The following ALS2 variants were observed in gnomAD, a reference collection of about 807,000 sequenced individuals.
ALS2 encodes alsin Rho guanine nucleotide exchange factor ALS2, also known as alsin.
ALS2 carries 117 observed loss-of-function variants against 203.4 expected under a neutral mutation model. The observed-to-expected ratio is 0.58, with a 90% CI of 0.50 to 0.67. The LOEUF is 0.67. Ranked by LOEUF, ALS2 falls within the 30% of genes least tolerant of loss-of-function variation. The pLI, the probability that ALS2 is intolerant of heterozygous loss-of-function variation, is 0.00. For synonymous variants in ALS2, 718 were observed against 725.9 expected (o/e 0.99, Z 0.17); for missense variants, 1,715 against 1,989.4 (o/e 0.86, Z 2.62).
In ALS2 at chr2:201,761,135, C is replaced by G. The variant is rs1331279945; in HGVS notation, c.859G>C (p.Glu287Gln). 4 of 1,614,120 alleles carry G rather than the reference C, an allele frequency of 2.5e-6. No individual in the cohort carries two copies. Among genetic ancestry groups the G allele is most frequent in the African/African-American group, 1.3e-5 (1 of 74,936 alleles). The change falls in exon 4 of 34, where the codon GAA becomes CAA. Residue 287 changes from glutamate to glutamine, a missense_variant. Around this residue, in one of 3 missense-constraint regions of ALS2, gnomAD observed 476 missense variants for 539.3 expected, o/e 0.88. Coordinates refer to ENST00000264276, the MANE Select transcript of ALS2 (RefSeq NM_020919.4). ...ACAAGAGTGTTCTCAAATACTTCTT[C>G]CTGCCTGTCAAGGGTTTCAGTGGAG... ...SPSTETLDRQ[E>Q]EVFENTLVAN...
At chr2:201,713,836 T>C (rs944881026) in intron 25 of ALS2, among the ~76,000 whole-genome samples, 15 of 152,362 alleles carry the variant, frequency 9.8e-5, no homozygotes, top group African/African-American at 3.1e-4. Flanking sequence ...CTGAAATAAA[T>C]TGAGATTTTC....
At position 201,741,837 on chromosome 2, in the gene ALS2, T is replaced by C. The variant is rs1371215862; in HGVS notation, c.2188A>G (p.Thr730Ala). The change falls in exon 11 of 34, where the codon ACT becomes GCT. Residue 730 changes from threonine (T) to alanine (A), a missense_variant. Around this residue, in one of 3 missense-constraint regions of ALS2, gnomAD observed 1,227 missense variants for 1,413.5 expected, o/e 0.87. Coordinates refer to ENST00000264276, the MANE Select transcript of ALS2 (RefSeq NM_020919.4). ...ACCTCCTGCAACAGCTGGACTGTAGTTGTAGTGCCCAAATTTTCTATAACA... is the reference window on the plus strand; with the variant it reads ...ACCTCCTGCAACAGCTGGACTGTAGCTGTAGTGCCCAAATTTTCTATAACA... ...LLSLENLGTT[T>A]TVQLLQEVAS... 11 of 1,613,828 alleles carry C rather than the reference T, an allele frequency of 6.8e-6. No individual in the cohort carries two copies. Among genetic ancestry groups the C allele is most frequent in the African/African-American group, 1.3e-5 (1 of 75,048 alleles).
At chr2:201,732,624 T>C (rs1691645383) in intron 13 of ALS2, among the ~76,000 whole-genome samples, 1 of 152,200 alleles carries the variant, frequency 6.6e-6, no homozygotes, top group Non-Finnish European at 1.5e-5. Context: ...TTTGGAGTCA[T>C]TATAATTTTT....
chr2:201,720,349 A>C (rs1385431588), intron 23 of ALS2, among the ~76,000 whole-genome samples: 2 of 152,158 alleles, frequency 1.3e-5, no homozygotes, highest in Admixed American at 6.5e-5. Context: ...CCATATTAGT[A>C]GAATAAATGA....
intron 20 of ALS2, 76 bp downstream of exon 20, chr2:201,725,280 T>C: frequency 8.2e-7 from 1 of 1,217,952 alleles, no homozygotes. Flanking sequence ...ACTTGGAAAT[T>C]TTGGCTATGC....
chr2:201,777,103 T>G (rs1409008378), intron 1 of ALS2, among the ~76,000 whole-genome samples: 1 of 152,162 alleles, frequency 6.6e-6, no homozygotes, highest in Non-Finnish European at 1.5e-5. Context: ...ACTACACAAA[T>G]CTGTAGTAAT....
intron 7 of ALS2, 36 bp from the exon 8 acceptor site, chr2:201,749,825 T>C: frequency 6.4e-7 from 1 of 1,557,568 alleles, no homozygotes; most frequent in Non-Finnish European, 8.9e-7. Flanking sequence ...CTAAGCGTTG[T>C]GAATCTGATT....
intron 29 of ALS2, among the ~76,000 whole-genome samples, chr2:201,706,374 A>AG (rs1471488950): frequency 4.3e-5 from 6 of 137,960 alleles, no homozygotes; most frequent in African/African-American, 1.6e-4. Context: ...TGACAGAGTG[A>AG]AACTCTCTTT....
At chr2:201,727,305 A>G in intron 16 of ALS2, 27 bp from the exon 17 acceptor site, 2 of 1,557,758 alleles carry the variant, frequency 1.3e-6, no homozygotes, top group Non-Finnish European at 1.8e-6. Flanking sequence ...GATAAATACC[A>G]GGACATTTAA....
rs1694555688 is a variant in ALS2, at chr2:201,774,308, A to G, written c.-60-5363T>C. Among the ~76,000 whole-genome samples the G allele has an allele frequency of 2.6e-5, 4 of 152,332 alleles. No individual in the cohort carries two copies. The South Asian group carries it at 6.2e-4, about 24-fold the overall frequency. ...TATATGTGGGGGGATTGTTTTTTTC[A>G]TAAGAAGAAAGGTCTACGTTTTTGA... On this transcript the variant is annotated intron_variant, in intron 1 of 33. Transcript: ENST00000264276.
intron 9 of ALS2, among the ~76,000 whole-genome samples, chr2:201,745,492 G>C (rs1322538990): frequency 6.6e-6 from 1 of 152,104 alleles, no homozygotes; most frequent in Non-Finnish European, 1.5e-5. Context: ...ACTAGTTTTG[G>C]GGGTTAATTT....
chr2:201,703,588 A>G (rs1352118132), intron 33 of ALS2, among the ~76,000 whole-genome samples: 1 of 152,200 alleles, frequency 6.6e-6, no homozygotes. Context: ...AATAAACTTT[A>G]GAGTGATTCT....
At chr2:201,717,195 T>C (rs1035179621) in intron 24 of ALS2, among the ~76,000 whole-genome samples, 2 of 152,100 alleles carry the variant, frequency 1.3e-5, no homozygotes, top group South Asian at 2.1e-4. Context: ...CTGGGCGCGG[T>C]GGCTCACACC....
chr2:201,763,368 C>A, intron 3 of ALS2: 1 of 201,100 alleles, frequency 5.0e-6, no homozygotes, highest in Non-Finnish European at 1.0e-5. Flanking sequence ...TGCTACTCCT[C>A]AGCCAGGGGC....
Position 201,709,779 on chromosome 2 carries a change from T to C in ALS2, c.4280+102A>G, listed in dbSNP as rs537489261. 4.3e-4 allele frequency: 604 copies of C among 1,402,918 alleles called. 5 individuals carry two copies. In the South Asian group the frequency reaches 5.4e-3, roughly 13 times the overall value. 86.9% of individuals were successfully genotyped at this position (1,402,918 alleles called of 1,614,324 possible). ...TTTTACTTAATCTATTAAAGGACTG[T>C]GGCATAAAACTATTTTCTTGATGAT... On this transcript the variant is annotated intron_variant, in intron 27 of 33. Coordinates refer to ENST00000264276, the MANE Select transcript of ALS2 (RefSeq NM_020919.4).
Position 201,744,407 on chromosome 2 carries a change from G to A in ALS2, c.2021C>T (p.Thr674Ile). 6.2e-7 allele frequency: 1 copy of A among 1,614,028 alleles called. No individual in the cohort carries two copies. The highest frequency in any genetic ancestry group is 1.3e-5 in the African/African-American group (1 of 75,028). ...CSKLGYISRV[T>I]AGKDSYLALV... is the part of the protein sequence containing the mutation. The stretch of plus-strand genomic sequence containing the variant: ...GGCTAAATAGCTATCTTTTCCTGCT[G>A]TCACTCTGCTTATATATCCAAGCTG... Residue 674 changes from threonine to isoleucine, a missense_variant, in exon 10 of 34, where the codon ACA becomes ATA. Physicochemically the swap from Thr to Ile is moderately conservative, Grantham distance 89. Coordinates refer to ENST00000264276, the MANE Select transcript of ALS2 (RefSeq NM_020919.4).
intron 23 of ALS2, among the ~76,000 whole-genome samples, chr2:201,719,695 GC>G (rs1382647610): frequency 2.0e-5 from 3 of 152,190 alleles, no homozygotes; most frequent in Non-Finnish European, 2.9e-5. Flanking sequence ...AGCCAAGAAG[GC>G]CTTCACCAAA....
At chr2:201,768,700 A>G (rs577840533) in intron 2 of ALS2, among the ~76,000 whole-genome samples, 166 bp downstream of exon 2, 2 of 152,328 alleles carry the variant, frequency 1.3e-5, no homozygotes, top group South Asian at 4.1e-4. Context: ...TACAACTAAC[A>G]AGCCTTTTTA....
chr2:201,767,125 A>G, intron 3 of ALS2, 104 bp downstream of exon 3: 1 of 1,348,996 alleles, frequency 7.4e-7, no homozygotes, highest in South Asian at 1.3e-5. Flanking sequence ...AGAAAGAAAA[A>G]GAAAAAGAAC....
Sources: gnomAD v4.1 joint callset for allele counts (sites outside exome capture counted in the v4.1 genomes callset) on GRCh38, gnomAD v4.1.1 for gene constraint, gnomAD v4.1.1 regional missense constraint, MANE v1.5 for transcripts, NCBI Gene and HGNC (gene_info 2026-07-23, HGNC 2026-07-21) for gene names.